CHD6: variants seen among roughly 807,000 people sequenced by gnomAD.
CHD6 encodes ATP-dependent chromatin remodeler CHD6.
Under a neutral mutation model 276.9 loss-of-function variants are expected in CHD6, and 50 were observed. The observed-to-expected ratio is 0.18, with a 90% confidence interval of 0.14 to 0.23. The LOEUF (loss-of-function observed/expected upper bound fraction) is 0.23. Ranked by LOEUF, CHD6 falls within the 10% of genes least tolerant of loss-of-function variation. CHD6 has a pLI of 1.00. For synonymous variants in CHD6, 1,173 were observed against 1,229.3 expected, an observed-to-expected ratio of 0.95 and a Z score of 0.96; for missense variants, 2,564 against 3,365.8, an observed-to-expected ratio of 0.76 and a Z score of 5.89.
intron 17 of CHD6, among the ~76,000 whole-genome samples, chr20:41,468,873 G>A (rs925355576): frequency 6.6e-6 from 1 of 152,098 alleles, no homozygotes; most frequent in Non-Finnish European, 1.5e-5. Flanking sequence ...AAATTAGCCA[G>A]GCATGGGGCT....
intron 36 of CHD6, among the ~76,000 whole-genome samples, chr20:41,406,309 CAG>C (rs1201945767): frequency 1.3e-5 from 2 of 152,198 alleles, no homozygotes; most frequent in East Asian, 3.9e-4. Flanking sequence ...TCTTAATTAG[CAG>C]AGAGTTCTGC....
At chr20:41,467,247 A>C (rs1174732290) in intron 17 of CHD6, among the ~76,000 whole-genome samples, 1 of 152,220 alleles carries the variant, frequency 6.6e-6, no homozygotes, top group Non-Finnish European at 1.5e-5. Flanking sequence ...ATCATTTTAC[A>C]GTCAAATCTC....
At chr20:41,412,049 C>A in intron 36 of CHD6, 95 bp downstream of exon 36, 1 of 1,528,296 alleles carries the variant, frequency 6.5e-7, no homozygotes, top group African/African-American at 1.4e-5. Context: ...TCCCAGCGAA[C>A]CCCTTCCCAG....
At position 41,452,454 on chromosome 20, in the gene CHD6, G is replaced by A. The variant is rs1481558473; in HGVS notation, c.3323+286C>T. On this transcript the variant is annotated intron_variant, in intron 21 of 36. Transcript: ENST00000373233. This position sits in a 1 kb window ranked among gnomAD's most constrained non-coding sequence, Gnocchi z 4.2. ...GTGGACTCCTTGTATATCCTTGCGG[G>A]GTGGGAGGAAGCAGGAAATCAGTAC... Among the ~76,000 whole-genome samples, 1 of 152,194 alleles carries A rather than the reference G, an allele frequency of 6.6e-6. No individual in the cohort carries two copies. Among genetic ancestry groups the A allele is most frequent in the African/African-American group, 2.4e-5 (1 of 41,444 alleles).
At chr20:41,477,999 C>G (rs566057631) in intron 16 of CHD6, among the ~76,000 whole-genome samples, 2 of 152,168 alleles carry the variant, frequency 1.3e-5, no homozygotes, top group Non-Finnish European at 2.9e-5. Context: ...ATAGTGGGAG[C>G]CCTTACTCTT....
Position 41,473,382 on chromosome 20 carries a change from G to C in CHD6, c.2604C>G (p.Leu868=). Residue 868 remains leucine, a synonymous_variant, in exon 17 of 37, where the codon CTC becomes CTG. Transcript: ENST00000373233. This position sits in a 1 kb window ranked among gnomAD's most constrained non-coding sequence, Gnocchi z 4.1. ...CTRAGGLGIN[L]TAADTCIIFD... ...ATATGATGCAGGTATCAGCAGCTGT[G>C]AGATTGATCCCCAGGCCTCCCGCTC... is the stretch of plus-strand genomic sequence containing the variant. 2.5e-6 allele frequency: 4 copies of C among 1,614,100 alleles called. No individual in the cohort carries two copies. The highest frequency in any genetic ancestry group is 3.4e-6 in the Non-Finnish European group (4 of 1,179,996).
At chr20:41,523,718 T>C (rs2044460505) in intron 3 of CHD6, among the ~76,000 whole-genome samples, 1 of 152,140 alleles carries the variant, frequency 6.6e-6, no homozygotes, top group Admixed American at 6.5e-5. Context: ...TCTCAAACTT[T>C]CTCTTCAAGC....
At chr20:41,468,012 T>G (rs535616495) in intron 17 of CHD6, among the ~76,000 whole-genome samples, 16 of 152,254 alleles carry the variant, frequency 1.1e-4, no homozygotes, top group African/African-American at 3.9e-4. Context: ...TCTCATAATT[T>G]TAGATCCTTT....
intron 2 of CHD6, among the ~76,000 whole-genome samples, chr20:41,544,936 G>A (rs1437310102): frequency 6.6e-6 from 1 of 151,956 alleles, no homozygotes; most frequent in Non-Finnish European, 1.5e-5. Flanking sequence ...GTCAGGATGG[G>A]CCTCTGAGGT....
chr20:41,414,202 GACAT>G (rs2046927769), intron 34 of CHD6: 1 of 152,246 alleles, frequency 6.6e-6, no homozygotes, highest in Non-Finnish European at 1.5e-5. Flanking sequence ...CTAAGAGGAA[GACAT>G]AACCCAAGCA....
chr20:41,487,550 C>T, intron 14 of CHD6, 115 bp downstream of exon 14: 1 of 999,770 alleles, frequency 1.0e-6, no homozygotes, highest in South Asian at 1.7e-5. Flanking sequence ...GGAGGTAACG[C>T]TCATTTTACC....
In CHD6 at chr20:41,419,591, A is replaced by AG. The variant is rs2047120006; in HGVS notation, c.6127+916dup. ...AAAAAAAAAAAAAAAAAAAAAAAAA[A>AG]GGCTAGATAACTTGAGGGACTTAGC... On this transcript the variant is annotated intron_variant, in intron 31 of 36. Coordinates refer to ENST00000373233, the MANE Select transcript of CHD6 (RefSeq NM_032221.5). 1.4e-5 allele frequency among the ~76,000 whole-genome samples: 2 copies of AG among 138,956 alleles called. 1 individual carries two copies. The highest frequency in any genetic ancestry group is 1.5e-4 in the Admixed American group (2 of 13,446). The allele number at this position is 138,956 out of a possible 152,430, so 91.2% of individuals were successfully genotyped here.
At chr20:41,591,885 G>A (rs1282436616) in intron 1 of CHD6, among the ~76,000 whole-genome samples, 2 of 152,142 alleles carry the variant, frequency 1.3e-5, no homozygotes, top group Non-Finnish European at 2.9e-5. Context: ...AGATCACAAG[G>A]TCAGGAGATC....
chr20:41,543,771 C>T (rs1319789983), intron 2 of CHD6, among the ~76,000 whole-genome samples: 1 of 152,172 alleles, frequency 6.6e-6, no homozygotes, highest in African/African-American at 2.4e-5. Flanking sequence ...TTTCTTTTAT[C>T]CTTACAAAAT....
chr20:41,413,471 G>A lies in CHD6; in HGVS notation c.6984C>T (p.His2328=). Residue 2328 remains histidine, a synonymous_variant, in exon 35 of 37, where the codon CAC becomes CAT. Coordinates refer to ENST00000373233, the MANE Select transcript of CHD6 (RefSeq NM_032221.5). ...DPGQATLSTT[H]PEGPGPATSA... is the part of the protein sequence containing the mutation. ...AGGTGGCAGGCCCTGGCCCCTCAGG[G>A]TGTGTGGTGCTCAAGGTGGCCTGCC... The A allele has an allele frequency of 6.2e-7, 1 of 1,607,062 alleles. No homozygotes were observed. Among genetic ancestry groups the A allele is most frequent in the Non-Finnish European group, 8.5e-7 (1 of 1,177,240 alleles).
rs537227082 is a variant in CHD6, at chr20:41,556,326, C to CTTTTT, written c.-23-4971_-23-4967dup. 1.7e-4 allele frequency among the ~76,000 whole-genome samples: 17 copies of CTTTTT among 102,224 alleles called. 2 individuals carry two copies. Among genetic ancestry groups the CTTTTT allele is most frequent in the African/African-American group, 5.7e-4 (14 of 24,598 alleles). 67.1% of individuals were successfully genotyped at this position (102,224 alleles called of 152,430 possible). On this transcript the variant is annotated intron_variant, in intron 1 of 36. Coordinates refer to ENST00000373233, the MANE Select transcript of CHD6 (RefSeq NM_032221.5). ...GGGAGACGGGAGAGGGAGAGGGCAC[C>CTTTTT]TTTTTTTTTTTTTTTTTGAGACAGT...
At position 41,514,942 on chromosome 20, in the gene CHD6, C is replaced by T. The variant is rs749071357; in HGVS notation, c.565G>A (p.Gly189Arg). Residue 189 changes from glycine to arginine, a missense_variant, in exon 4 of 37, where the codon GGA becomes AGA. Physicochemically the swap from Gly to Arg is moderately radical, Grantham distance 125 (BLOSUM62 -2). This residue lies in a region of CHD6 where 286 missense variants were observed against 297.8 expected (regional missense o/e 0.96). Transcript: ENST00000373233. The stretch of plus-strand genomic sequence containing the variant: ...TTCTTTTTCTCCACTGGGGTTGGTC[C>T]TTGCTCCTTGCTACAAGGAGAAATT... Reference protein sequence around the residue: ...TKSRKASKEQGPTPVEKKKKG... With the variant: ...TKSRKASKEQRPTPVEKKKKG... The T allele has an allele frequency of 3.7e-6, 6 of 1,613,862 alleles. No homozygotes were observed. The South Asian group carries it at 5.5e-5, about 15-fold the overall frequency.
At position 41,587,615 on chromosome 20, in the gene CHD6, T is replaced by A. The variant is rs113678682; in HGVS notation, c.-24+30725A>T. 3.7e-3 allele frequency among the ~76,000 whole-genome samples: 557 copies of A among 152,340 alleles called. 5 individuals carry two copies. The highest frequency in any genetic ancestry group is 0.013 in the African/African-American group (526 of 41,574). On this transcript the variant is annotated intron_variant, in intron 1 of 36. Coordinates refer to ENST00000373233, the MANE Select transcript of CHD6 (RefSeq NM_032221.5). ...AAAAGCTTGCAAAAGTAAAGTTCTC[T>A]CTGGTAAGTGGGGAACTGATCACAC...
intron 30 of CHD6, 74 bp from the exon 31 acceptor site, chr20:41,422,153 T>A (rs2047216104): frequency 6.8e-7 from 1 of 1,480,898 alleles, no homozygotes; most frequent in East Asian, 2.3e-5. Flanking sequence ...AGCCCCTGCA[T>A]CTTTGGTCTT....
Sources: allele counts gnomAD v4.1 joint callset (sites outside exome capture counted in the v4.1 genomes callset), GRCh38; gene constraint gnomAD v4.1.1; regional missense constraint gnomAD v4.1.1; non-coding constraint Gnocchi (gnomAD v3.1); transcripts MANE v1.5; gene names NCBI Gene and HGNC (gene_info 2026-07-23, HGNC 2026-07-21).